Variants in HDAC9 observed in about 807,000 individuals in gnomAD.
HDAC9 encodes the protein histone deacetylase 9.
Under a neutral mutation model 139.4 loss-of-function variants are expected in HDAC9, and 41 were observed. The observed-to-expected ratio is 0.29, with a 90% CI of 0.23 to 0.38. The LOEUF (loss-of-function observed/expected upper bound fraction) is 0.38, where lower values mean the gene tolerates loss of function less well. Among genes scored for constraint, HDAC9 ranks in the 10% least tolerant of loss-of-function variants. HDAC9 has a pLI of 1.00. For missense variants in HDAC9, 1,147 were observed against 1,297.0 expected, an observed-to-expected ratio of 0.88 and a Z score of 1.78; for synonymous variants, 517 against 476.2, an observed-to-expected ratio of 1.09 and a Z score of -1.12.
intron 2 of HDAC9, among the ~76,000 whole-genome samples, chr7:18,511,960 A>T (rs759742066): frequency 6.7e-6 from 1 of 149,574 alleles, no homozygotes; most frequent in South Asian, 2.2e-4. Context: ...GGAATGCAAG[A>T]TTGGTTAAAG....
intron 17 of HDAC9, among the ~76,000 whole-genome samples, chr7:18,822,117 A>G (rs1370687977): frequency 1.3e-5 from 2 of 152,090 alleles, no homozygotes; most frequent in Non-Finnish European, 2.9e-5. Flanking sequence ...GATTGATCAA[A>G]TTATTGGCCC....
chr7:18,123,977 T>G (rs1044239752), intron 1 of HDAC9, among the ~76,000 whole-genome samples: 1 of 152,218 alleles, frequency 6.6e-6, no homozygotes, highest in African/African-American at 2.4e-5. Context: ...GGTGCTATCT[T>G]AATCTTACTA....
intron 1 of HDAC9, among the ~76,000 whole-genome samples, chr7:18,440,193 T>C (rs1791622043): frequency 6.6e-6 from 1 of 151,202 alleles, no homozygotes; most frequent in Admixed American, 6.6e-5. Context: ...TTTTTTCTTT[T>C]TTTTTTTTTT....
intron 25 of HDAC9, among the ~76,000 whole-genome samples, chr7:18,992,041 T>A (rs11973986): frequency 0.041 from 6,268 of 152,334 alleles, 450 homozygotes; most frequent in African/African-American, 0.14. Flanking sequence ...TGTGGGGCTT[T>A]AGAGCCTCAC....
intron 12 of HDAC9, among the ~76,000 whole-genome samples, chr7:18,713,521 C>G (rs538120991): frequency 2.7e-4 from 41 of 152,258 alleles, no homozygotes; most frequent in South Asian, 1.5e-3. Flanking sequence ...ATATATACCA[C>G]TCTTATTTAT....
At chr7:18,917,931 G>T (rs1803355191) in intron 22 of HDAC9, among the ~76,000 whole-genome samples, 1 of 151,948 alleles carries the variant, frequency 6.6e-6, no homozygotes, top group Non-Finnish European at 1.5e-5. Flanking sequence ...AGCAGTTTAA[G>T]CTCATTTGTC....
At chr7:18,670,581 A>G (rs936154748) in intron 12 of HDAC9, among the ~76,000 whole-genome samples, 1 of 152,204 alleles carries the variant, frequency 6.6e-6, no homozygotes, top group Non-Finnish European at 1.5e-5. Flanking sequence ...AGGTATTATT[A>G]TCATCCCACT....
chr7:18,952,898 A>G (rs959427314), intron 23 of HDAC9, among the ~76,000 whole-genome samples: 78 of 151,804 alleles, frequency 5.1e-4, no homozygotes, highest in African/African-American at 1.7e-3. Context: ...GGCAGCTAAG[A>G]AAAACACTCT....
At chr7:18,732,939 G>A (rs1415896812) in intron 13 of HDAC9, among the ~76,000 whole-genome samples, 2 of 133,576 alleles carry the variant, frequency 1.5e-5, no homozygotes, top group South Asian at 2.3e-4. Flanking sequence ...GTATGTATGT[G>A]TATACACACG....
intron 1 of HDAC9, among the ~76,000 whole-genome samples, chr7:18,402,357 C>T (rs1787624697): frequency 6.6e-6 from 1 of 152,166 alleles, no homozygotes; most frequent in Non-Finnish European, 1.5e-5. Flanking sequence ...TGAAGTAAAT[C>T]TTAAAGACTG....
chr7:18,144,089 GAAAT>G (rs1318309149), intron 1 of HDAC9, among the ~76,000 whole-genome samples: 2 of 151,992 alleles, frequency 1.3e-5, no homozygotes, highest in Admixed American at 6.6e-5. Context: ...CAGTGGGAAG[GAAAT>G]AAATAATAAA....
At chr7:18,778,733 C>A (rs1371428129) in intron 16 of HDAC9, among the ~76,000 whole-genome samples, 2 of 152,028 alleles carry the variant, frequency 1.3e-5, no homozygotes, top group African/African-American at 4.8e-5. Flanking sequence ...TCCCCCGGAT[C>A]TTAAGTAAGG....
At chr7:18,201,604 C>T (rs1309635327) in intron 2 of HDAC9, among the ~76,000 whole-genome samples, 1 of 152,180 alleles carries the variant, frequency 6.6e-6, no homozygotes, top group East Asian at 1.9e-4. Context: ...CCAAGGGCCT[C>T]CTGCCAAGGG....
At chr7:18,132,040 G>C (rs759434943) in intron 1 of HDAC9, among the ~76,000 whole-genome samples, 2 of 152,142 alleles carry the variant, frequency 1.3e-5, no homozygotes, top group Non-Finnish European at 2.9e-5. Context: ...CAGACTTAGA[G>C]ATATAAGAGT....
At chr7:18,755,340 A>G (rs987492990) in intron 14 of HDAC9, among the ~76,000 whole-genome samples, 1 of 152,176 alleles carries the variant, frequency 6.6e-6, no homozygotes, top group Non-Finnish European at 1.5e-5. Context: ...AACAACCAAC[A>G]AAAGGAAATA....
At chr7:18,454,155 T>TGTCC (rs1462550733) in intron 1 of HDAC9, among the ~76,000 whole-genome samples, 3 of 152,104 alleles carry the variant, frequency 2.0e-5, no homozygotes, top group Non-Finnish European at 4.4e-5. Context: ...ATCTAGGAAT[T>TGTCC]GTCCGATACA....
At chr7:18,246,922 A>G (rs1307502654) in intron 2 of HDAC9, among the ~76,000 whole-genome samples, 3 of 152,154 alleles carry the variant, frequency 2.0e-5, no homozygotes, top group Non-Finnish European at 4.4e-5. Flanking sequence ...TTTTGAATCT[A>G]GGACCAAGAG....
chr7:18,962,068 T>C (rs6461396), intron 24 of HDAC9, among the ~76,000 whole-genome samples: 67,769 of 152,034 alleles, frequency 0.45, 15,316 homozygotes, highest in South Asian at 0.57. Context: ...CAAGAAGCCA[T>C]GGAGCTGTGC....
intron 2 of HDAC9, among the ~76,000 whole-genome samples, chr7:18,241,867 A>G (rs1794208745): frequency 6.6e-6 from 1 of 152,242 alleles, no homozygotes; most frequent in South Asian, 2.1e-4. Context: ...ATATGCCACA[A>G]GGCTGTGCTG....
Sources: gnomAD v4.1 joint callset for allele counts (sites outside exome capture counted in the v4.1 genomes callset) on GRCh38, gnomAD v4.1.1 for gene constraint, MANE v1.5 for transcripts, NCBI Gene and HGNC (gene_info 2026-07-23, HGNC 2026-07-21) for gene names.